GALNT17: variants seen among roughly 807,000 people sequenced by gnomAD.
The protein encoded by GALNT17 is polypeptide N-acetylgalactosaminyltransferase 17.
GALNT17 carries 29 observed loss-of-function variants against 63.7 expected under a neutral mutation model. The observed-to-expected ratio is 0.46, with a 90% confidence interval of 0.34 to 0.62. GALNT17 has a LOEUF of 0.62. Among genes scored for constraint, GALNT17 ranks in the 20% least tolerant of loss-of-function variants. The probability of loss-of-function intolerance (pLI) is 0.01; values close to 1 mark genes in which losing one functional copy is unlikely to be tolerated. For missense variants in GALNT17, 603 were observed against 799.6 expected (o/e 0.75, Z 2.97); for synonymous variants, 305 against 318.3 (o/e 0.96, Z 0.45).
chr7:71,709,825 C>G (rs1393231886), intron 9 of GALNT17, among the ~76,000 whole-genome samples: 1 of 152,200 alleles, frequency 6.6e-6, no homozygotes, highest in Non-Finnish European at 1.5e-5. Flanking sequence ...TCTCGAACTC[C>G]TGGCTTCAAG....
chr7:71,329,947 A>ATG (rs1791776927), intron 1 of GALNT17, among the ~76,000 whole-genome samples: 1 of 77,070 alleles, frequency 1.3e-5, no homozygotes, highest in Non-Finnish European at 2.6e-5. Context: ...ATATACACAC[A>ATG]TATGTGTGTG....
intron 6 of GALNT17, among the ~76,000 whole-genome samples, chr7:71,582,432 A>C: frequency 6.6e-6 from 1 of 150,986 alleles, no homozygotes; most frequent in Non-Finnish European, 1.5e-5. Context: ...AAAAAAAAAA[A>C]ATAGCTGGGC....
At chr7:71,497,588 G>C (rs917554932) in intron 5 of GALNT17, among the ~76,000 whole-genome samples, 1 of 152,194 alleles carries the variant, frequency 6.6e-6, no homozygotes, top group Non-Finnish European at 1.5e-5. Context: ...GGTACTGGGG[G>C]TTAGGATGTC....
chr7:71,432,404 T>G (rs1241857792), intron 5 of GALNT17, among the ~76,000 whole-genome samples: 1 of 152,184 alleles, frequency 6.6e-6, no homozygotes, highest in Admixed American at 6.5e-5. Flanking sequence ...ATGACTCTCC[T>G]TAGCTACTCA....
intron 1 of GALNT17, among the ~76,000 whole-genome samples, chr7:71,303,547 A>G (rs1361367466): frequency 6.6e-6 from 1 of 152,130 alleles, no homozygotes; most frequent in African/African-American, 2.4e-5. Context: ...AAGATGAAAA[A>G]TTCATGGTCA....
chr7:71,451,508 G>A (rs944414711), intron 5 of GALNT17, among the ~76,000 whole-genome samples: 2 of 151,572 alleles, frequency 1.3e-5, no homozygotes, highest in Non-Finnish European at 2.9e-5. Flanking sequence ...AAATCCTTTC[G>A]ACGAACTAAC....
chr7:71,471,601 C>T (rs778681585), intron 5 of GALNT17, among the ~76,000 whole-genome samples: 1 of 152,076 alleles, frequency 6.6e-6, no homozygotes, highest in Non-Finnish European at 1.5e-5. Context: ...TTATCCCCTC[C>T]TCCTCCTTGT....
At chr7:71,675,693 G>A (rs1791139229) in intron 8 of GALNT17, among the ~76,000 whole-genome samples, 1 of 151,762 alleles carries the variant, frequency 6.6e-6, no homozygotes, top group South Asian at 2.1e-4. Context: ...GGTACATAAA[G>A]AACAAAATGC....
At chr7:71,298,510 A>C (rs1173798605) in intron 1 of GALNT17, among the ~76,000 whole-genome samples, 1 of 152,170 alleles carries the variant, frequency 6.6e-6, no homozygotes, top group African/African-American at 2.4e-5. Flanking sequence ...CGAGTCTTAC[A>C]CTGTGGCATC....
chr7:71,423,122 C>T (rs1786696593), intron 5 of GALNT17, among the ~76,000 whole-genome samples: 2 of 152,148 alleles, frequency 1.3e-5, no homozygotes, highest in Admixed American at 1.3e-4. Context: ...TTTATGGGCA[C>T]AGGATGGGGG....
chr7:71,227,389 T>C (rs963362651), intron 1 of GALNT17, among the ~76,000 whole-genome samples: 1 of 151,278 alleles, frequency 6.6e-6, no homozygotes, highest in Non-Finnish European at 1.5e-5. Flanking sequence ...AAAAAAATCA[T>C]TGAGAAGAGA....
At chr7:71,543,898 T>C (rs1788935754) in intron 5 of GALNT17, among the ~76,000 whole-genome samples, 1 of 151,432 alleles carries the variant, frequency 6.6e-6, no homozygotes, top group South Asian at 2.1e-4. Context: ...ATTCAAGAGA[T>C]TCTTCTGCCT....
At chr7:71,307,228 G>T (rs2115917544) in intron 1 of GALNT17, among the ~76,000 whole-genome samples, 1 of 152,136 alleles carries the variant, frequency 6.6e-6, no homozygotes, top group East Asian at 1.9e-4. Flanking sequence ...TTTTCCATAG[G>T]GGTTGCAGCA....
At chr7:71,363,731 G>T (rs2527297) in intron 2 of GALNT17, among the ~76,000 whole-genome samples, 25,224 of 152,222 alleles carry the variant, frequency 0.17, 2,209 homozygotes, top group East Asian at 0.29. Flanking sequence ...AGATCGGACA[G>T]CCGCGTGGTG....
At chr7:71,375,366 G>T (rs972271636) in intron 2 of GALNT17, among the ~76,000 whole-genome samples, 2 of 152,148 alleles carry the variant, frequency 1.3e-5, no homozygotes, top group African/African-American at 4.8e-5. Context: ...CCAGTTTGGA[G>T]CTCTGTAAAG....
intron 2 of GALNT17, among the ~76,000 whole-genome samples, chr7:71,359,019 C>T (rs930630837): frequency 6.6e-6 from 1 of 152,188 alleles, no homozygotes; most frequent in Non-Finnish European, 1.5e-5. Context: ...AAGTGATCCT[C>T]CTGCCTTGGC....
intron 1 of GALNT17, among the ~76,000 whole-genome samples, chr7:71,262,983 C>T (rs1295882287): frequency 6.6e-6 from 1 of 152,068 alleles, no homozygotes; most frequent in African/African-American, 2.4e-5. Flanking sequence ...ACCCAGCCGA[C>T]TGGTGTCCTT....
chr7:71,458,849 G>C (rs996302826), intron 5 of GALNT17, among the ~76,000 whole-genome samples: 3 of 152,078 alleles, frequency 2.0e-5, no homozygotes, highest in Admixed American at 6.6e-5. Context: ...CTGTTCGTCT[G>C]CTCCGGGAGC....
intron 1 of GALNT17, among the ~76,000 whole-genome samples, chr7:71,217,274 G>C (rs2116410716): frequency 6.6e-6 from 1 of 151,166 alleles, no homozygotes; most frequent in Admixed American, 6.6e-5. Flanking sequence ...TGTGCCCGGT[G>C]CTTTTTTTTC....
Sources: allele counts gnomAD v4.1 joint callset (sites outside exome capture counted in the v4.1 genomes callset), GRCh38; gene constraint gnomAD v4.1.1; transcripts MANE v1.5; gene names NCBI Gene and HGNC (gene_info 2026-07-23, HGNC 2026-07-21).